The following MON2 variants were observed in gnomAD, a reference collection of about 807,000 sequenced individuals.
MON2 encodes the protein MON2 regulator of endosome-to-Golgi trafficking.
In MON2, 84 loss-of-function variants were observed where a neutral mutation model predicts 208.6. That is an observed-to-expected ratio of 0.40 (90% CI 0.34 to 0.48). MON2 has a LOEUF of 0.48. MON2 is among the 20% of genes least tolerant of loss of function. The pLI is 0.59. For missense variants in MON2, 1,611 were observed against 2,015.4 expected, an observed-to-expected ratio of 0.80 and a Z score of 3.84; for synonymous variants, 660 against 694.0, an observed-to-expected ratio of 0.95 and a Z score of 0.77.
At chr12:62,500,974 A>G (rs1023837434) in intron 6 of MON2, 94 bp downstream of exon 6, 3 of 705,556 alleles carry the variant, frequency 4.3e-6, no homozygotes, top group Non-Finnish European at 4.5e-6. Context: ...TTTAATGTGA[A>G]TTTTTTTGAA....
At chr12:62,523,304 C>T (rs1403829423) in intron 8 of MON2, among the ~76,000 whole-genome samples, 1 of 152,146 alleles carries the variant, frequency 6.6e-6, no homozygotes, top group Non-Finnish European at 1.5e-5. Context: ...ACATTTTTCT[C>T]ATTTGATTTC....
rs2075523355 is a variant in MON2, at chr12:62,596,119, G to C, written c.*3370G>C. ...AGTCCCAGGTAACCATTGGGCCAAAGGATCAGTTGAGAAACAGTTAAGGAT... is the reference window on the plus strand; with the variant it reads ...AGTCCCAGGTAACCATTGGGCCAAACGATCAGTTGAGAAACAGTTAAGGAT... On this transcript the variant is annotated 3_prime_UTR_variant, in exon 35 of 35. Coordinates refer to ENST00000393630, the MANE Select transcript of MON2 (RefSeq NM_015026.3). The C allele has an allele frequency of 6.6e-6, 1 of 152,302 alleles. No homozygotes were observed. The highest frequency in any genetic ancestry group is 2.1e-4 in the South Asian group (1 of 4,830). The allele number at this position is 152,302 out of a possible 1,614,324, so 9.4% of individuals were successfully genotyped here.
chr12:62,549,966 G>A (rs1324913475), intron 23 of MON2, 136 bp downstream of exon 23: 3 of 502,224 alleles, frequency 6.0e-6, no homozygotes, highest in African/African-American at 5.9e-5. Context: ...CTTACGTCTG[G>A]GTGAAGGATT....
At chr12:62,477,571 C>T (rs1462145651) in intron 1 of MON2, among the ~76,000 whole-genome samples, 3 of 150,218 alleles carry the variant, frequency 2.0e-5, no homozygotes, top group Non-Finnish European at 4.4e-5. Flanking sequence ...CACACCACCA[C>T]GTTTGCCTAA....
chr12:62,584,668 A>G (rs1474910046), intron 32 of MON2, among the ~76,000 whole-genome samples: 6 of 136,956 alleles, frequency 4.4e-5, no homozygotes, highest in Non-Finnish European at 7.6e-5. Context: ...ACACCACTGC[A>G]CTCCTGCCTG....
chr12:62,525,013 G>A, intron 9 of MON2, 71 bp from the exon 10 acceptor site: 1 of 1,258,760 alleles, frequency 7.9e-7, no homozygotes, highest in East Asian at 2.4e-5. Context: ...AATATCACTT[G>A]CTATAAAAAG....
intron 7 of MON2, among the ~76,000 whole-genome samples, chr12:62,503,784 CT>C (rs1274998943): frequency 1.3e-5 from 2 of 152,130 alleles, no homozygotes; most frequent in East Asian, 1.9e-4. Flanking sequence ...GCCTGGAATC[CT>C]TTTTTCCTCA....
intron 8 of MON2, among the ~76,000 whole-genome samples, chr12:62,520,429 C>T (rs11174526): frequency 3.6e-5 from 3 of 82,936 alleles, no homozygotes; most frequent in South Asian, 3.5e-4. Flanking sequence ...AAGTGACAGG[C>T]GTACTTTATT....
At chr12:62,573,192 C>T (rs1398081597) in intron 30 of MON2, among the ~76,000 whole-genome samples, 1 of 152,286 alleles carries the variant, frequency 6.6e-6, no homozygotes, top group East Asian at 1.9e-4. Context: ...TATAGGCGCT[C>T]ATAAACTATA....
chr12:62,478,121 T>G lies in MON2; in HGVS notation c.112-6049T>G, dbSNP rs2069194543. ...TAGAATTGGCACTTGTAGATATAAT[T>G]TGTGTGTGTGTGTGTGTGTGTGTGT... On this transcript the variant is annotated intron_variant, in intron 1 of 34. Transcript: ENST00000393630. Among the ~76,000 whole-genome samples the G allele has an allele frequency of 2.7e-5, 4 of 149,794 alleles. No homozygotes were observed. In the South Asian group the frequency reaches 8.5e-4, roughly 32 times the overall value.
intron 8 of MON2, among the ~76,000 whole-genome samples, chr12:62,515,373 G>T (rs191720426): frequency 1.4e-4 from 21 of 152,264 alleles, no homozygotes; most frequent in South Asian, 6.2e-4. Flanking sequence ...GAGTCAAGAG[G>T]ACAAATTACT....
rs958492983 is a variant in MON2, at chr12:62,596,178, A to G, written c.*3429A>G. The G allele has an allele frequency of 2.0e-5, 3 of 152,234 alleles. No homozygotes were observed. Among genetic ancestry groups the G allele is most frequent in the Non-Finnish European group, 2.9e-5 (2 of 68,034 alleles). 9.4% of individuals were successfully genotyped at this position (152,234 alleles called of 1,614,324 possible). A position where few individuals can be genotyped will look rare whatever the true frequency, so the allele number is the denominator to read the frequency against. ...ATAAGTTATGGAACAGTGTTAGAAA[A>G]CAACTCAAAAGTATATTCTTTATTA... On this transcript the variant is annotated 3_prime_UTR_variant, in exon 35 of 35. Coordinates refer to ENST00000393630, the MANE Select transcript of MON2 (RefSeq NM_015026.3).
At position 62,524,617 on chromosome 12, in the gene MON2, T is replaced by A; in HGVS notation, c.1087T>A (p.Cys363Ser). The A allele has an allele frequency of 6.2e-7, 1 of 1,613,466 alleles. No individual in the cohort carries two copies. Among genetic ancestry groups the A allele is most frequent in the Non-Finnish European group, 8.5e-7 (1 of 1,179,572 alleles). The change falls in exon 9 of 35, where the codon TGT becomes AGT. Residue 363 changes from cysteine (C) to serine (S), a missense_variant. Physicochemically the swap from Cys to Ser is moderately radical, Grantham distance 112. Transcript: ENST00000393630. The stretch of plus-strand genomic sequence containing the variant: ...TGCGGTGGAATCAATACACAGATTC[T>A]GTGTGCAGCCTCAACTATTAAGGTA... ...AVAVESIHRFCVQPQLLRSFC... is the reference protein window; with the variant it reads ...AVAVESIHRFSVQPQLLRSFC...
At chr12:62,522,475 T>C (rs546502442) in intron 8 of MON2, among the ~76,000 whole-genome samples, 8 of 152,224 alleles carry the variant, frequency 5.3e-5, no homozygotes, top group Non-Finnish European at 7.3e-5. Context: ...CTATGTGATA[T>C]TGAGATTAGA....
intron 1 of MON2, among the ~76,000 whole-genome samples, chr12:62,475,075 G>A (rs1449061315): frequency 1.3e-5 from 2 of 152,128 alleles, no homozygotes; most frequent in Admixed American, 1.3e-4. Context: ...CTCTAACATA[G>A]CATTTAATAT....
intron 26 of MON2, among the ~76,000 whole-genome samples, chr12:62,562,865 C>T (rs1456803297): frequency 6.6e-6 from 1 of 152,098 alleles, no homozygotes; most frequent in Non-Finnish European, 1.5e-5. Context: ...TCTCTTTGTT[C>T]TCAAACCACC....
chr12:62,546,623 G>A (rs2073497433), intron 21 of MON2, among the ~76,000 whole-genome samples: 1 of 152,046 alleles, frequency 6.6e-6, no homozygotes, highest in African/African-American at 2.4e-5. Context: ...GCATGGTGGT[G>A]CATGCCTGTA....
At chr12:62,562,242 G>A (rs1320807035) in intron 26 of MON2, among the ~76,000 whole-genome samples, 1 of 151,670 alleles carries the variant, frequency 6.6e-6, no homozygotes, top group East Asian at 1.9e-4. Flanking sequence ...CCGTAATCTG[G>A]TACTCTGATT....
chr12:62,494,480 G>A (rs2070358437), intron 3 of MON2, among the ~76,000 whole-genome samples: 1 of 152,084 alleles, frequency 6.6e-6, no homozygotes, highest in African/African-American at 2.4e-5. Flanking sequence ...CTGCATGTTG[G>A]TCTCAAATTT....
Sources: gnomAD v4.1 joint callset for allele counts (sites outside exome capture counted in the v4.1 genomes callset) on GRCh38, gnomAD v4.1.1 for gene constraint, MANE v1.5 for transcripts, NCBI Gene and HGNC (gene_info 2026-07-23, HGNC 2026-07-21) for gene names.